Variants in KCNN1 observed in about 807,000 individuals in gnomAD.
KCNN1 encodes potassium calcium-activated channel subfamily N member 1, also known as small conductance calcium-activated potassium channel protein 1.
A neutral mutation model predicts 44.7 loss-of-function variants in KCNN1; 20 were observed. The ratio of observed to expected loss-of-function variants is 0.45; its 90% CI spans 0.32 to 0.65. KCNN1 has a LOEUF of 0.65. Ranked by LOEUF, KCNN1 falls within the 30% of genes least tolerant of loss-of-function variation. The pLI is 0.05. For synonymous variants in KCNN1, 324 were observed against 341.7 expected, an observed-to-expected ratio of 0.95 and a Z score of 0.57; for missense variants, 632 against 785.3, an observed-to-expected ratio of 0.80 and a Z score of 2.33.
chr19:17,955,733 A>G (rs1019904906), intron 2 of KCNN1, among the ~76,000 whole-genome samples: 6 of 151,798 alleles, frequency 4.0e-5, no homozygotes, highest in Admixed American at 3.9e-4. Flanking sequence ...AGGCCAGATG[A>G]CCTAGAAGTG....
intron 5 of KCNN1, among the ~76,000 whole-genome samples, chr19:17,987,321 G>A (rs894217569): frequency 2.6e-5 from 4 of 151,842 alleles, no homozygotes; most frequent in African/African-American, 9.7e-5. Context: ...TGTCGACCAG[G>A]CTGGTCTCGA....
chr19:17,970,331 T>C (rs553287944), intron 1 of KCNN1, among the ~76,000 whole-genome samples: 3,721 of 98,914 alleles, frequency 0.038, 85 homozygotes, highest in Middle Eastern at 0.09. Flanking sequence ...TTTTTTTTTT[T>C]TTTGGAGACA....
chr19:17,981,982 C>T lies in KCNN1; in HGVS notation c.772C>T (p.Arg258Cys). 6.2e-7 allele frequency: 1 copy of T among 1,610,726 alleles called. No individual in the cohort carries two copies. The part of the protein sequence containing the change: ...HSKIFTDASS[R>C]SIGALNKITF... ...CAAAATCTTCACGGACGCCTCGAGC[C>T]GCAGCATCGGGGCCCTCAACAAGAT... Residue 258 changes from arginine (R) to cysteine (C), a missense_variant, in exon 4 of 10, where the codon CGC (arginine) becomes TGC (cysteine). This residue lies in a region of KCNN1 where 160 missense variants were observed against 308.3 expected (regional missense o/e 0.52). Coordinates refer to ENST00000684775, the MANE Select transcript of KCNN1 (RefSeq NM_001386974.1).
At chr19:17,957,520 G>A (rs1471771078) in intron 2 of KCNN1, among the ~76,000 whole-genome samples, 5 of 152,100 alleles carry the variant, frequency 3.3e-5, no homozygotes, top group Non-Finnish European at 7.4e-5. Flanking sequence ...GGAAGAGGAG[G>A]AACTGGCCTG....
upstream of KCNN1, among the ~76,000 whole-genome samples, chr19:17,966,956 G>A (rs1354196307): frequency 2.0e-5 from 3 of 151,230 alleles, no homozygotes; most frequent in Non-Finnish European, 3.0e-5. Context: ...AAGACCAGCC[G>A]CATGCCGGGG....
At chr19:17,959,035 G>C (rs1347126382) in intron 2 of KCNN1, among the ~76,000 whole-genome samples, 3 of 122,838 alleles carry the variant, frequency 2.4e-5, no homozygotes, top group Non-Finnish European at 5.1e-5. Context: ...TATTTATTTT[G>C]GAGACGGAGT....
chr19:17,968,529 C>T (rs1158004842), intron 1 of KCNN1, among the ~76,000 whole-genome samples: 6 of 152,050 alleles, frequency 3.9e-5, no homozygotes, highest in Non-Finnish European at 5.9e-5. Flanking sequence ...CAGTGGCTGC[C>T]TCAACCAACC....
upstream of KCNN1, among the ~76,000 whole-genome samples, chr19:17,966,015 G>GCCTT (rs2031795351): frequency 1.0e-4 from 13 of 124,382 alleles, no homozygotes; most frequent in South Asian, 2.6e-4. Context: ...CTGCCTGCCT[G>GCCTT]CCTGCCTGCC....
intron 1 of KCNN1, among the ~76,000 whole-genome samples, chr19:17,953,122 C>T (rs2031457844): frequency 6.6e-6 from 1 of 152,292 alleles, no homozygotes; most frequent in Non-Finnish European, 1.5e-5. Context: ...AAGCCCCGGC[C>T]TCGCTCTCTT....
In KCNN1 at chr19:17,983,239, G is replaced by A. The variant is rs1413062468; in HGVS notation, c.917+1112G>A. On this transcript the variant is annotated intron_variant, in intron 4 of 9. Coordinates refer to ENST00000684775, the MANE Select transcript of KCNN1 (RefSeq NM_001386974.1). The surrounding 1 kb of genome is among the most constrained non-coding windows in gnomAD (Gnocchi z 4.5). ...GGAGGGGCTCCGCCAGGCCTGGGGT[G>A]TGAGGGTGCCTTATCTGGGAGAGGG... Among the ~76,000 whole-genome samples the A allele has an allele frequency of 1.3e-5, 2 of 152,112 alleles. No homozygotes were observed. Among genetic ancestry groups the A allele is most frequent in the Non-Finnish European group, 2.9e-5 (2 of 68,000 alleles).
chr19:17,970,060 T>G (rs1013439804), intron 1 of KCNN1, among the ~76,000 whole-genome samples: 3 of 152,096 alleles, frequency 2.0e-5, no homozygotes, highest in Non-Finnish European at 4.4e-5. Flanking sequence ...TTATAGACTG[T>G]GAAGTGCTGG....
intron 3 of KCNN1, among the ~76,000 whole-genome samples, chr19:17,978,291 C>A (rs1226429055): frequency 6.6e-6 from 1 of 150,654 alleles, no homozygotes; most frequent in African/African-American, 2.4e-5. Context: ...CACACCTGGC[C>A]AATTTTTGTA....
intron 3 of KCNN1, among the ~76,000 whole-genome samples, chr19:17,977,224 AT>A: frequency 6.6e-6 from 1 of 152,198 alleles, no homozygotes; most frequent in South Asian, 2.1e-4. Context: ...TGTCACTCCA[AT>A]CTCTGCCTTG....
intron 7 of KCNN1, among the ~76,000 whole-genome samples, chr19:17,992,402 C>A (rs927464482): frequency 6.6e-6 from 1 of 152,078 alleles, no homozygotes; most frequent in Admixed American, 6.6e-5. Flanking sequence ...GAGTTCGAGA[C>A]CAGCCTGACC....
intron 2 of KCNN1, among the ~76,000 whole-genome samples, chr19:17,955,931 TTTTG>T (rs924991963): frequency 1.3e-5 from 2 of 151,798 alleles, no homozygotes; most frequent in Admixed American, 1.3e-4. Flanking sequence ...TTTTGTTTTG[TTTTG>T]TTTGTTTGTT....
At chr19:17,975,574 C>T (rs144776215) in intron 3 of KCNN1, among the ~76,000 whole-genome samples, 1 of 152,118 alleles carries the variant, frequency 6.6e-6, no homozygotes, top group African/African-American at 2.4e-5. Flanking sequence ...GCGCATGGCA[C>T]CACACCTTGC....
At chr19:17,977,702 T>C (rs2032251940) in intron 3 of KCNN1, among the ~76,000 whole-genome samples, 1 of 151,966 alleles carries the variant, frequency 6.6e-6, no homozygotes. Context: ...AATGACCTCA[T>C]TTAACGAGAT....
rs186875859 is a variant in KCNN1, at chr19:17,999,469, C to T, written c.*1063C>T. 23 of 154,174 alleles carry T rather than the reference C, an allele frequency of 1.5e-4. No homozygotes were observed. The highest frequency in any genetic ancestry group is 3.4e-3 in the Middle Eastern group (1 of 296). The allele number at this position is 154,174 out of a possible 1,614,324, so 9.6% of individuals were successfully genotyped here. A position where few individuals can be genotyped will look rare whatever the true frequency, so the allele number is the denominator to read the frequency against. ...ACTTGGGAGGCTGAGGCAGGATAAT[C>T]GCTTGAACCCAGGAGGTGGAGGTTG... On this transcript the variant is annotated 3_prime_UTR_variant, in exon 10 of 10. Transcript: ENST00000684775.
chr19:17,976,610 GTTTC>G (rs1317944855), intron 3 of KCNN1, among the ~76,000 whole-genome samples: 2 of 151,992 alleles, frequency 1.3e-5, no homozygotes, highest in Non-Finnish European at 2.9e-5. Flanking sequence ...TAGAGACGGG[GTTTC>G]TCCATGTTGG....
Sources: allele counts gnomAD v4.1 joint callset (sites outside exome capture counted in the v4.1 genomes callset), GRCh38; gene constraint gnomAD v4.1.1; regional missense constraint gnomAD v4.1.1; non-coding constraint Gnocchi (gnomAD v3.1); transcripts MANE v1.5; gene names NCBI Gene and HGNC (gene_info 2026-07-23, HGNC 2026-07-21).